BCL2L13: variants seen among roughly 807,000 people sequenced by gnomAD.
The protein encoded by BCL2L13 is bcl-2-like protein 13.
A neutral mutation model predicts 25.8 loss-of-function variants in BCL2L13; 13 were observed. The ratio of observed to expected loss-of-function variants is 0.50; its 90% confidence interval spans 0.33 to 0.80. The LOEUF (loss-of-function observed/expected upper bound fraction) is 0.80. Among genes scored for constraint, BCL2L13 ranks in the 30% least tolerant of loss-of-function variants. The pLI, the probability that BCL2L13 is intolerant of heterozygous loss-of-function variation, is 0.02. For missense variants in BCL2L13, 504 were observed against 574.9 expected, an observed-to-expected ratio of 0.88 and a Z score of 1.26; for synonymous variants, 244 against 230.3, an observed-to-expected ratio of 1.06 and a Z score of -0.54.
chr22:17,687,857 G>A (rs1158214024), intron 3 of BCL2L13, among the ~76,000 whole-genome samples: 31 of 116,334 alleles, frequency 2.7e-4, no homozygotes, highest in African/African-American at 8.3e-4. Flanking sequence ...CACTCTTGTT[G>A]CCCAGGCTAG....
At chr22:17,667,767 C>T (rs2059279820) in intron 2 of BCL2L13, among the ~76,000 whole-genome samples, 1 of 152,084 alleles carries the variant, frequency 6.6e-6, no homozygotes, top group Non-Finnish European at 1.5e-5. Flanking sequence ...CCTTGGCCTC[C>T]CAAAGTGTTG....
At chr22:17,672,118 C>A (rs1420570299) in intron 2 of BCL2L13, among the ~76,000 whole-genome samples, 1 of 152,098 alleles carries the variant, frequency 6.6e-6, no homozygotes, top group Non-Finnish European at 1.5e-5. Context: ...TTCAATGGAC[C>A]TTTTTGATTT....
At chr22:17,653,145 C>T (rs1291310267) in intron 1 of BCL2L13, among the ~76,000 whole-genome samples, 2 of 151,962 alleles carry the variant, frequency 1.3e-5, no homozygotes, top group African/African-American at 4.8e-5. Context: ...TTTGCACTGC[C>T]ATCATAAAGT....
intron 6 of BCL2L13, among the ~76,000 whole-genome samples, chr22:17,726,425 CTGTGTGTGAATTACACTGAATG>C (rs2061299996): frequency 6.6e-6 from 1 of 151,460 alleles, no homozygotes; most frequent in Non-Finnish European, 1.5e-5. Flanking sequence ...TGCTCTCAGC[CTGTGTGTGAATTACACTGAATG>C]TATATTAACT....
chr22:17,680,511 C>CA (rs770410371), intron 2 of BCL2L13, among the ~76,000 whole-genome samples: 436 of 13,276 alleles, frequency 0.033, 89 homozygotes, highest in African/African-American at 0.052. Flanking sequence ...GACTCTGTCT[C>CA]AAAAAAAAAA....
chr22:17,653,118 A>G (rs1307842415), intron 1 of BCL2L13, among the ~76,000 whole-genome samples: 2 of 152,140 alleles, frequency 1.3e-5, no homozygotes, highest in African/African-American at 2.4e-5. Flanking sequence ...TTCAGTTTCT[A>G]CTGAATGCAT....
chr22:17,642,281 T>G (rs2058320024), intron 1 of BCL2L13, among the ~76,000 whole-genome samples: 1 of 151,226 alleles, frequency 6.6e-6, no homozygotes. Context: ...TAACTGTAAC[T>G]CAGAGTAGCT....
intron 1 of BCL2L13, among the ~76,000 whole-genome samples, chr22:17,641,059 T>G (rs990841947): frequency 3.3e-5 from 5 of 151,720 alleles, no homozygotes; most frequent in African/African-American, 1.2e-4. Flanking sequence ...ACAGGCTAAT[T>G]TTTTGTATTT....
intron 2 of BCL2L13, among the ~76,000 whole-genome samples, chr22:17,671,949 G>A (rs2059432214): frequency 6.6e-6 from 1 of 152,222 alleles, no homozygotes; most frequent in African/African-American, 2.4e-5. Flanking sequence ...CCTGACCTCA[G>A]GTGATCCGCT....
At chr22:17,723,066 A>C (rs901548322) in intron 6 of BCL2L13, among the ~76,000 whole-genome samples, 1 of 152,140 alleles carries the variant, frequency 6.6e-6, no homozygotes, top group Non-Finnish European at 1.5e-5. Context: ...ATCCTTGCAA[A>C]ATGTGTAAGC....
chr22:17,634,063 T>C (rs1161745602), upstream of BCL2L13, among the ~76,000 whole-genome samples: 5 of 152,172 alleles, frequency 3.3e-5, no homozygotes, highest in African/African-American at 1.2e-4. Context: ...CCACTTAACT[T>C]GTTTTTCATC....
At chr22:17,700,134 C>T (rs970875635) in intron 5 of BCL2L13, among the ~76,000 whole-genome samples, 3 of 151,950 alleles carry the variant, frequency 2.0e-5, no homozygotes, top group East Asian at 1.9e-4. Context: ...GTGGTTACTG[C>T]GTTTCAAGAA....
upstream of BCL2L13, among the ~76,000 whole-genome samples, chr22:17,634,929 CAG>C: frequency 2.1e-5 from 3 of 140,588 alleles, no homozygotes; most frequent in South Asian, 6.8e-4. Flanking sequence ...GCCTGGGTAA[CAG>C]AGTGGAAGTG....
chr22:17,723,734 A>G (rs138942952), intron 6 of BCL2L13, among the ~76,000 whole-genome samples: 2 of 152,096 alleles, frequency 1.3e-5, no homozygotes, highest in African/African-American at 4.8e-5. Flanking sequence ...AGAGATTGAG[A>G]CCATCCTGGC....
upstream of BCL2L13, among the ~76,000 whole-genome samples, chr22:17,637,053 T>C (rs574270932): frequency 2.1e-4 from 32 of 149,900 alleles, no homozygotes; most frequent in African/African-American, 7.4e-4. Flanking sequence ...CAGGCGGATC[T>C]CTTGAGGTCA....
chr22:17,722,169 A>G (rs925968790), intron 6 of BCL2L13, among the ~76,000 whole-genome samples: 1 of 152,108 alleles, frequency 6.6e-6, no homozygotes, highest in African/African-American at 2.4e-5. Flanking sequence ...CTTTGCCACA[A>G]ATCATGTGAC....
chr22:17,680,534 A>G (rs2059715752), intron 2 of BCL2L13, among the ~76,000 whole-genome samples: 1 of 77,620 alleles, frequency 1.3e-5, no homozygotes, highest in Non-Finnish European at 3.0e-5. Flanking sequence ...AAAAAAAAAA[A>G]AAAAAAAGAA....
intron 2 of BCL2L13, among the ~76,000 whole-genome samples, chr22:17,674,599 C>CT (rs1419203216): frequency 1.3e-5 from 1 of 74,242 alleles, no homozygotes; most frequent in Non-Finnish European, 2.7e-5. Flanking sequence ...GTGTGAGACT[C>CT]TGTCTCAAAA....
chr22:17,647,857 A>G (rs1443546000), intron 1 of BCL2L13, among the ~76,000 whole-genome samples: 2 of 152,198 alleles, frequency 1.3e-5, no homozygotes, highest in Admixed American at 6.6e-5. Context: ...CTCCGGGCGC[A>G]GTGGCTCACG....
Sources: allele counts gnomAD v4.1 joint callset (sites outside exome capture counted in the v4.1 genomes callset), GRCh38; gene constraint gnomAD v4.1.1; transcripts MANE v1.5; gene names NCBI Gene and HGNC (gene_info 2026-07-23, HGNC 2026-07-21).